Variants in CACNA1D observed in about 807,000 individuals in gnomAD.
CACNA1D encodes calcium voltage-gated channel subunit alpha1 D.
Under a neutral mutation model 257.1 loss-of-function variants are expected in CACNA1D, and 55 were observed. That is an observed-to-expected ratio of 0.21 (90% CI 0.17 to 0.27). CACNA1D has a LOEUF of 0.27. Ranked by LOEUF, CACNA1D falls within the 10% of genes least tolerant of loss-of-function variation. The probability of loss-of-function intolerance (pLI) is 1.00; values close to 1 mark genes in which losing one functional copy is unlikely to be tolerated. For missense variants in CACNA1D, 1,876 were observed against 2,784.0 expected (o/e 0.67, Z 7.34); for synonymous variants, 980 against 1,014.9 (o/e 0.97, Z 0.65).
At chr3:53,720,953 C>T (rs1478163166) in intron 11 of CACNA1D, among the ~76,000 whole-genome samples, 2 of 152,196 alleles carry the variant, frequency 1.3e-5, no homozygotes, top group African/African-American at 4.8e-5. Flanking sequence ...AAAGTTGTAA[C>T]ATGAATGTTT....
chr3:53,594,478 G>T (rs1488664685), intron 3 of CACNA1D, among the ~76,000 whole-genome samples: 2 of 152,190 alleles, frequency 1.3e-5, no homozygotes, highest in Admixed American at 1.3e-4. Context: ...GAAAAGGTCA[G>T]CCTGGAGCTT....
At chr3:53,625,445 C>T (rs2093746312) in intron 3 of CACNA1D, among the ~76,000 whole-genome samples, 1 of 152,218 alleles carries the variant, frequency 6.6e-6, no homozygotes, top group Non-Finnish European at 1.5e-5. Context: ...GCACTTCCCT[C>T]ACTGTGTTCT....
chr3:53,787,425 C>CTATGTGTGTG (rs2095460182), intron 40 of CACNA1D, among the ~76,000 whole-genome samples: 2 of 136,148 alleles, frequency 1.5e-5, no homozygotes, highest in African/African-American at 5.8e-5. Flanking sequence ...AGTATGTATT[C>CTATGTGTGTG]TGTGTGTGTG....
Position 53,776,600 on chromosome 3 carries a change from C to T in CACNA1D, c.4363-3C>T. ...GTTCTTCCTTTCCTATTTGCTTTTT[C>T]AGATCATCAATCTGTTTGTGGCTGT... On this transcript the variant is annotated splice_region_variant and splice_polypyrimidine_tract_variant and intron_variant, in intron 35 of 47. Coordinates refer to ENST00000350061, the MANE Select transcript of CACNA1D (RefSeq NM_001128840.3). 6.2e-7 allele frequency: 1 copy of T among 1,614,164 alleles called. No homozygotes were observed. The highest frequency in any genetic ancestry group is 8.5e-7 in the Non-Finnish European group (1 of 1,180,020).
chr3:53,795,549 C>A (rs2095503964), intron 40 of CACNA1D, among the ~76,000 whole-genome samples: 1 of 152,184 alleles, frequency 6.6e-6, no homozygotes, highest in Admixed American at 6.5e-5. Flanking sequence ...ATAACTTTGG[C>A]TCTCCCTTCC....
At chr3:53,664,199 C>T (rs2094236440) in intron 5 of CACNA1D, among the ~76,000 whole-genome samples, 1 of 152,190 alleles carries the variant, frequency 6.6e-6, no homozygotes, top group African/African-American at 2.4e-5. Flanking sequence ...CCCTTCCCCT[C>T]CCACCTCCCT....
chr3:53,745,535 C>A, intron 23 of CACNA1D, 89 bp from the exon 24 acceptor site: 1 of 820,406 alleles, frequency 1.2e-6, no homozygotes, highest in Non-Finnish European at 2.1e-6. Context: ...GCCACTGTGC[C>A]TGGCCAACAC....
chr3:53,580,016 A>G (rs1212638133), intron 3 of CACNA1D, among the ~76,000 whole-genome samples: 1 of 152,194 alleles, frequency 6.6e-6, no homozygotes, highest in African/African-American at 2.4e-5. Context: ...TCTTATCAAA[A>G]AGGGCTGCAG....
At chr3:53,684,008 A>G (rs2094453886) in intron 8 of CACNA1D, among the ~76,000 whole-genome samples, 2 of 152,346 alleles carry the variant, frequency 1.3e-5, no homozygotes, top group South Asian at 4.1e-4. Flanking sequence ...AAAGTAAAAG[A>G]TCCAGAGAAT....
chr3:53,730,352 C>T, intron 15 of CACNA1D, 90 bp from the exon 16 acceptor site: 1 of 843,994 alleles, frequency 1.2e-6, no homozygotes, highest in Non-Finnish European at 2.0e-6. Context: ...CTACCAGCTT[C>T]CCGGGATGCA....
In CACNA1D at chr3:53,800,997, A is replaced by G. The variant is rs1019396200; in HGVS notation, c.5041-61A>G. 3 of 1,569,264 alleles carry G rather than the reference A, an allele frequency of 1.9e-6. No individual in the cohort carries two copies. Among genetic ancestry groups the G allele is most frequent in the East Asian group, 2.2e-5 (1 of 44,666 alleles). On this transcript the variant is annotated intron_variant, in intron 41 of 47. Coordinates refer to ENST00000350061, the MANE Select transcript of CACNA1D (RefSeq NM_001128840.3). This position sits in a 1 kb window ranked among gnomAD's most constrained non-coding sequence, Gnocchi z 4.3. ...TTTCATGTAGAAAAAGTTACCTAAC[A>G]TAGCTAGTCTGCATCAAATACTTGT...
Position 53,626,838 on chromosome 3 carries a change from T to C in CACNA1D, c.484-23941T>C, listed in dbSNP as rs145612928. On this transcript the variant is annotated intron_variant, in intron 3 of 47. Transcript: ENST00000350061. Reference sequence around the variant, plus strand: ...TGGATCTCCCTCTCCCCTTCCTAGATGACCTCTTGGGCAGACTTCCCATTT... The same window carrying C: ...TGGATCTCCCTCTCCCCTTCCTAGACGACCTCTTGGGCAGACTTCCCATTT... 5.8e-4 allele frequency among the ~76,000 whole-genome samples: 89 copies of C among 152,306 alleles called. No individual in the cohort carries two copies. In the East Asian group the frequency reaches 0.015, roughly 26 times the overall value.
At chr3:53,733,995 TATAC>T (rs1394515467) in intron 19 of CACNA1D, among the ~76,000 whole-genome samples, 9 of 120,122 alleles carry the variant, frequency 7.5e-5, no homozygotes, top group East Asian at 7.2e-4. Context: ...TACATATACA[TATAC>T]ATATATATAT....
At chr3:53,806,838 G>A (rs1227370547) in intron 45 of CACNA1D, among the ~76,000 whole-genome samples, 1 of 152,148 alleles carries the variant, frequency 6.6e-6, no homozygotes, top group Non-Finnish European at 1.5e-5. Flanking sequence ...ATAAATACTA[G>A]ATGAAGCAGA....
At chr3:53,716,524 G>GT (rs367796427) in intron 9 of CACNA1D, among the ~76,000 whole-genome samples, 5,191 of 146,376 alleles carry the variant, frequency 0.035, 271 homozygotes, top group African/African-American at 0.12. Context: ...TGTTAATGGA[G>GT]TTTTTTTTTT....
chr3:53,498,899 G>A (rs1381261777), intron 2 of CACNA1D, among the ~76,000 whole-genome samples: 1 of 152,180 alleles, frequency 6.6e-6, no homozygotes, highest in African/African-American at 2.4e-5. Flanking sequence ...TCACATAGCT[G>A]GGGTTGTGTG....
intron 8 of CACNA1D, among the ~76,000 whole-genome samples, chr3:53,681,673 CT>C (rs1337825129): frequency 6.6e-6 from 1 of 152,110 alleles, no homozygotes; most frequent in Non-Finnish European, 1.5e-5. Flanking sequence ...TGGTTTCTTT[CT>C]TCGTGAAGCT....
At chr3:53,648,148 G>A (rs11719110) in intron 3 of CACNA1D, among the ~76,000 whole-genome samples, 3 of 151,968 alleles carry the variant, frequency 2.0e-5, no homozygotes, top group African/African-American at 7.3e-5. Context: ...CTGTCTTGAC[G>A]TAGGTATGTA....
chr3:53,565,730 T>C (rs1463423251), intron 3 of CACNA1D, among the ~76,000 whole-genome samples: 5 of 152,220 alleles, frequency 3.3e-5, no homozygotes, highest in Non-Finnish European at 7.3e-5. Context: ...AGATAATGCA[T>C]CTTCTATGAT....
Sources: gnomAD v4.1 joint callset for allele counts (sites outside exome capture counted in the v4.1 genomes callset) on GRCh38, gnomAD v4.1.1 for gene constraint, Gnocchi (gnomAD v3.1) non-coding constraint, MANE v1.5 for transcripts, NCBI Gene and HGNC (gene_info 2026-07-23, HGNC 2026-07-21) for gene names.